Variants in DYRK1A observed in about 807,000 individuals in gnomAD.
The protein encoded by DYRK1A is dual specificity tyrosine phosphorylation regulated kinase 1A, also known as dual specificity tyrosine-phosphorylation-regulated kinase 1A.
Under a neutral mutation model 79.7 loss-of-function variants are expected in DYRK1A, and 9 were observed. That is an observed-to-expected ratio of 0.11 (90% confidence interval 0.07 to 0.20). The LOEUF (loss-of-function observed/expected upper bound fraction) is 0.20. Among genes scored for constraint, DYRK1A ranks in the 10% least tolerant of loss-of-function variants. DYRK1A has a pLI of 1.00. For missense variants in DYRK1A, 622 were observed against 956.0 expected (o/e 0.65, Z 4.61); for synonymous variants, 349 against 329.7 (o/e 1.06, Z -0.63).
intron 1 of DYRK1A, among the ~76,000 whole-genome samples, chr21:37,392,856 A>G (rs934139830): frequency 6.6e-6 from 1 of 152,242 alleles, no homozygotes; most frequent in Non-Finnish European, 1.5e-5. Flanking sequence ...TCTCGTGAGG[A>G]TCCAGTCTTT....
intron 1 of DYRK1A, among the ~76,000 whole-genome samples, chr21:37,418,481 T>C (rs2050401574): frequency 6.6e-6 from 1 of 152,226 alleles, no homozygotes; most frequent in Non-Finnish European, 1.5e-5. Flanking sequence ...GTCAGTAATA[T>C]CTACTTCTAT....
intron 2 of DYRK1A, among the ~76,000 whole-genome samples, chr21:37,455,003 A>G (rs1217888395): frequency 4.9e-5 from 7 of 141,450 alleles, no homozygotes; most frequent in Admixed American, 1.4e-4. Context: ...AGAGATGGTT[A>G]TTCAGGGGTG....
chr21:37,475,736 A>G (rs2052372776), intron 3 of DYRK1A, among the ~76,000 whole-genome samples: 1 of 152,228 alleles, frequency 6.6e-6, no homozygotes, highest in Admixed American at 6.5e-5. Flanking sequence ...TATTGAGTGC[A>G]GAAATTTGAT....
At chr21:37,456,859 T>G (rs2051655589) in intron 2 of DYRK1A, among the ~76,000 whole-genome samples, 1 of 152,044 alleles carries the variant, frequency 6.6e-6, no homozygotes, top group African/African-American at 2.4e-5. Context: ...AGAATAAGAG[T>G]TCAGTGAATG....
At chr21:37,421,708 A>G (rs1021275440) in intron 2 of DYRK1A, 1 of 152,134 alleles carries the variant, frequency 6.6e-6, no homozygotes, top group African/African-American at 2.4e-5. Context: ...ATTTACAGAA[A>G]CATTTTTAGA....
At chr21:37,498,836 C>G (rs2053354122) in intron 9 of DYRK1A, among the ~76,000 whole-genome samples, 1 of 152,136 alleles carries the variant, frequency 6.6e-6, no homozygotes, top group Non-Finnish European at 1.5e-5. Flanking sequence ...TATGGTTTGT[C>G]TGTTGGGTTT....
intron 2 of DYRK1A, among the ~76,000 whole-genome samples, chr21:37,455,830 T>C (rs1312386206): frequency 6.6e-6 from 1 of 152,134 alleles, no homozygotes; most frequent in Non-Finnish European, 1.5e-5. Context: ...TACCTTGAGG[T>C]TTAAGTACTG....
At chr21:37,442,281 T>C (rs2148480531) in intron 2 of DYRK1A, among the ~76,000 whole-genome samples, 1 of 152,278 alleles carries the variant, frequency 6.6e-6, no homozygotes, top group Middle Eastern at 3.4e-3. Flanking sequence ...TTTTTGACCA[T>C]TAGTTTTTCA....
At chr21:37,401,060 C>G (rs2050043498) in intron 1 of DYRK1A, among the ~76,000 whole-genome samples, 1 of 151,998 alleles carries the variant, frequency 6.6e-6, no homozygotes, top group Non-Finnish European at 1.5e-5. Context: ...GGGAGAATTG[C>G]TTGAAGCCGA....
At chr21:37,452,512 A>G (rs1387811788) in intron 2 of DYRK1A, among the ~76,000 whole-genome samples, 1 of 152,162 alleles carries the variant, frequency 6.6e-6, no homozygotes, top group African/African-American at 2.4e-5. Context: ...TAAATATAGC[A>G]TGCCGTGCTT....
intron 1 of DYRK1A, among the ~76,000 whole-genome samples, chr21:37,376,967 T>C (rs1005468532): frequency 5.9e-5 from 9 of 152,186 alleles, no homozygotes; most frequent in East Asian, 1.9e-4. Flanking sequence ...ACTTTTAGTA[T>C]GTATTGTGTT....
intron 1 of DYRK1A, among the ~76,000 whole-genome samples, chr21:37,393,495 ATTTG>A (rs2049907860): frequency 6.6e-6 from 1 of 152,210 alleles, no homozygotes; most frequent in South Asian, 2.1e-4. Flanking sequence ...GTTTTGAATT[ATTTG>A]TTAAAGAAGT....
intron 1 of DYRK1A, among the ~76,000 whole-genome samples, chr21:37,417,529 C>CTTTTTCTTTTTCTTTTTCTTTTTT (rs1555959239): frequency 1.1e-4 from 5 of 44,044 alleles, no homozygotes; most frequent in African/African-American, 4.1e-4. Context: ...TTTTCTTTTT[C>CTTTTTCTTTTTCTTTTTCTTTTTT]TTTTTTTTTT....
chr21:37,425,809 G>GC (rs1435540180), intron 2 of DYRK1A: 1 of 152,228 alleles, frequency 6.6e-6, no homozygotes, highest in Non-Finnish European at 1.5e-5. Flanking sequence ...AATGTTGATA[G>GC]CAAGACCTGT....
At position 37,512,640 on chromosome 21, in the gene DYRK1A, A is replaced by ACC; in HGVS notation, c.*110_*111dup. 7.5e-7 allele frequency: 1 copy of ACC among 1,328,824 alleles called. No individual in the cohort carries two copies. The highest frequency in any genetic ancestry group is 2.3e-5 in the Admixed American group (1 of 43,484). 82.3% of individuals were successfully genotyped at this position (1,328,824 alleles called of 1,614,324 possible). The stretch of plus-strand genomic sequence containing the variant: ...AATCAGGAGGAGATTAACACACTGA[A>ACC]CCGCTACAAGAGGGCAAAGCTGATT... On this transcript the variant is annotated 3_prime_UTR_variant, in exon 12 of 12. Coordinates refer to ENST00000647188, the MANE Select transcript of DYRK1A (RefSeq NM_001347721.2).
chr21:37,408,897 C>T (rs1459268514), intron 1 of DYRK1A, among the ~76,000 whole-genome samples: 1 of 152,108 alleles, frequency 6.6e-6, no homozygotes, highest in Non-Finnish European at 1.5e-5. Flanking sequence ...GGGCTTTTTC[C>T]ACTTCAGGGG....
intron 6 of DYRK1A, chr21:37,488,327 A>T (rs2052949066): frequency 2.1e-6 from 2 of 966,412 alleles, no homozygotes; most frequent in Non-Finnish European, 2.5e-6. Context: ...GTTCATATCA[A>T]TTGAATTGAT....
At chr21:37,436,571 C>T (rs1232208686) in intron 2 of DYRK1A, among the ~76,000 whole-genome samples, 1 of 152,140 alleles carries the variant, frequency 6.6e-6, no homozygotes, top group Non-Finnish European at 1.5e-5. Context: ...CATTGAAACA[C>T]GGATGCCAAA....
chr21:37,456,627 G>C (rs2051646657), intron 2 of DYRK1A, among the ~76,000 whole-genome samples: 1 of 152,084 alleles, frequency 6.6e-6, no homozygotes, highest in South Asian at 2.1e-4. Flanking sequence ...AATTTCTAAT[G>C]TGTCTTGAGC....
Sources: allele counts gnomAD v4.1 joint callset (sites outside exome capture counted in the v4.1 genomes callset), GRCh38; gene constraint gnomAD v4.1.1; transcripts MANE v1.5; gene names NCBI Gene and HGNC (gene_info 2026-07-23, HGNC 2026-07-21).